The following SLC1A2 variants were observed in gnomAD, a reference collection of about 807,000 sequenced individuals.
The protein encoded by SLC1A2 is solute carrier family 1 member 2.
In SLC1A2, 15 loss-of-function variants were observed where a neutral mutation model predicts 48.8. The ratio of observed to expected loss-of-function variants is 0.31; its 90% CI spans 0.21 to 0.47. SLC1A2 has a LOEUF of 0.47. Among genes scored for constraint, SLC1A2 ranks in the 20% least tolerant of loss-of-function variants. SLC1A2 has a pLI of 0.99. For missense variants in SLC1A2, 502 were observed against 730.5 expected, an observed-to-expected ratio of 0.69 and a Z score of 3.61; for synonymous variants, 279 against 272.6, an observed-to-expected ratio of 1.02 and a Z score of -0.23.
At chr11:35,261,618 T>C in intron 10 of SLC1A2, 2 of 398,566 alleles carry the variant, frequency 5.0e-6, no homozygotes, top group Non-Finnish European at 8.8e-6. Flanking sequence ...CTGAACCTTT[T>C]TGCAGAATAG....
intron 1 of SLC1A2, among the ~76,000 whole-genome samples, chr11:35,352,004 A>G (rs1455890830): frequency 6.6e-6 from 1 of 152,198 alleles, no homozygotes; most frequent in Non-Finnish European, 1.5e-5. Flanking sequence ...CCTAGTGGCT[A>G]TCTGTGAATG....
At chr11:35,378,916 T>C (rs377333498) in intron 1 of SLC1A2, among the ~76,000 whole-genome samples, 18 of 152,310 alleles carry the variant, frequency 1.2e-4, no homozygotes, top group East Asian at 9.6e-4. Flanking sequence ...CCATTGTCTG[T>C]GAATTAAATG....
chr11:35,382,445 C>T (rs906716193), intron 1 of SLC1A2, among the ~76,000 whole-genome samples: 1 of 152,218 alleles, frequency 6.6e-6, no homozygotes, highest in Non-Finnish European at 1.5e-5. Context: ...CATCATGAAT[C>T]CATTTCATAG....
intron 8 of SLC1A2, chr11:35,286,176 A>G (rs1246205125): frequency 6.6e-6 from 1 of 152,270 alleles, no homozygotes; most frequent in African/African-American, 2.4e-5. Flanking sequence ...ATACATTTAA[A>G]TAAAAATAGC....
At chr11:35,357,899 C>T (rs974626668) in intron 1 of SLC1A2, among the ~76,000 whole-genome samples, 17 of 152,230 alleles carry the variant, frequency 1.1e-4, no homozygotes, top group Admixed American at 2.0e-4. Context: ...GTAATCCCAG[C>T]GGTTTGGGAG....
At chr11:35,312,074 T>A in intron 4 of SLC1A2, 124 bp downstream of exon 4, 1 of 979,236 alleles carries the variant, frequency 1.0e-6, no homozygotes, top group South Asian at 1.6e-5. Flanking sequence ...TCCCTGGGCC[T>A]AGACAGAGAT....
chr11:35,386,739 T>C (rs1172458027), intron 1 of SLC1A2, among the ~76,000 whole-genome samples: 1 of 152,232 alleles, frequency 6.6e-6, no homozygotes. Flanking sequence ...ATATAGTTCC[T>C]ATGCATTTAT....
chr11:35,330,473 T>C (rs1285438414), intron 1 of SLC1A2, among the ~76,000 whole-genome samples: 1 of 152,156 alleles, frequency 6.6e-6, no homozygotes, highest in African/African-American at 2.4e-5. Context: ...TCTGTACCAG[T>C]GATAGGTAGA....
rs960138123 is a variant in SLC1A2, at chr11:35,252,161, C to T, written c.*8733G>A. On this transcript the variant is annotated 3_prime_UTR_variant, in exon 11 of 11. Transcript: ENST00000278379. The stretch of plus-strand genomic sequence containing the variant: ...AAGTTTATAGCCAGAACTGTGCTTT[C>T]GTAGGGTTTCACCTGCAGATGCATT... 6.6e-6 allele frequency: 1 copy of T among 152,520 alleles called. No homozygotes were observed. Among genetic ancestry groups the T allele is most frequent in the Non-Finnish European group, 1.5e-5 (1 of 68,012 alleles). 9.4% of individuals were successfully genotyped at this position (152,520 alleles called of 1,614,324 possible).
At chr11:35,312,162 G>T (rs1851727977) in intron 4 of SLC1A2, 36 bp downstream of exon 4, 2 of 1,607,034 alleles carry the variant, frequency 1.2e-6, no homozygotes, top group Non-Finnish European at 1.7e-6. Flanking sequence ...TAACTTAGAG[G>T]ACTGGAGAAG....
Position 35,265,616 on chromosome 11 carries a change from T to G in SLC1A2, c.1564A>C (p.Ile522Leu). 1.9e-6 allele frequency: 3 copies of G among 1,612,886 alleles called. No individual in the cohort carries two copies. The highest frequency in any genetic ancestry group is 2.5e-6 in the Non-Finnish European group (3 of 1,178,814). ...CTGTGGTTCTTCATGTCATCATAAA[T>G]GGATTGAGTCTTGGTCATTTCAATA... ...EDIEMTKTQS[I>L]YDDMKNHRES... The change falls in exon 10 of 11, where the codon ATT (isoleucine) becomes CTT (leucine). Residue 522 changes from isoleucine to leucine, a missense_variant. This residue lies in a region of SLC1A2 where 102 missense variants were observed against 107.2 expected (regional missense o/e 0.95). Transcript: ENST00000278379.
At chr11:35,368,992 C>A (rs1453647192) in intron 1 of SLC1A2, among the ~76,000 whole-genome samples, 1 of 152,216 alleles carries the variant, frequency 6.6e-6, no homozygotes, top group Non-Finnish European at 1.5e-5. Flanking sequence ...TCCATTTCTA[C>A]ACTTCTTGCC....
At position 35,265,681 on chromosome 11, in the gene SLC1A2, T is replaced by C; in HGVS notation, c.1499A>G (p.Glu500Gly). 6.2e-7 allele frequency: 1 copy of C among 1,613,874 alleles called. No homozygotes were observed. The change falls in exon 10 of 11, where the codon GAG (glutamate) becomes GGG (glycine). Residue 500 changes from glutamate (E) to glycine (G), a missense_variant. By Grantham distance (98) the Glu-to-Gly change is moderately conservative. Transcript: ENST00000278379. ...AGIVYHLSKS[E>G]LDTIDSQHRV... ...ATGCTGGGAGTCAATGGTATCCAGC[T>C]CAGACTTGGAGAGGTGATAGACTAT... is the stretch of plus-strand genomic sequence containing the variant.
At chr11:35,371,202 T>A (rs937684447) in intron 1 of SLC1A2, 1 of 354,302 alleles carries the variant, frequency 2.8e-6, no homozygotes, top group African/African-American at 2.2e-5. Context: ...AAGCCCCATT[T>A]CCTTGTTTCC....
chr11:35,401,892 G>A (rs1019225196), intron 1 of SLC1A2, among the ~76,000 whole-genome samples: 4 of 152,122 alleles, frequency 2.6e-5, no homozygotes, highest in African/African-American at 9.7e-5. Context: ...TCCAAGGCTC[G>A]GGCCCTCTAT....
chr11:35,323,610 T>C (rs1402479596), intron 1 of SLC1A2, among the ~76,000 whole-genome samples: 1 of 152,156 alleles, frequency 6.6e-6, no homozygotes, highest in African/African-American at 2.4e-5. Context: ...GTGGATTCCA[T>C]TCTAGGTACC....
intron 3 of SLC1A2, 82 bp downstream of exon 3, chr11:35,314,941 C>A (rs7103913): frequency 3.0e-6 from 3 of 1,014,976 alleles, no homozygotes; most frequent in African/African-American, 1.6e-5. Flanking sequence ...ATTCACTCAA[C>A]CAAATTGAGA....
intron 1 of SLC1A2, among the ~76,000 whole-genome samples, chr11:35,348,375 G>C (rs1356783992): frequency 6.6e-6 from 1 of 152,150 alleles, no homozygotes; most frequent in Non-Finnish European, 1.5e-5. Context: ...TTATTGATGA[G>C]CAAACCTAAT....
chr11:35,335,856 A>C (rs1354099530), intron 1 of SLC1A2, among the ~76,000 whole-genome samples: 1 of 152,160 alleles, frequency 6.6e-6, no homozygotes, highest in Admixed American at 6.6e-5. Context: ...AAGTAAATAA[A>C]ATTTTTAAAA....
Sources: allele counts gnomAD v4.1 joint callset (sites outside exome capture counted in the v4.1 genomes callset), GRCh38; gene constraint gnomAD v4.1.1; regional missense constraint gnomAD v4.1.1; transcripts MANE v1.5; gene names NCBI Gene and HGNC (gene_info 2026-07-23, HGNC 2026-07-21).